The following ARL15 variants were observed in gnomAD, a reference collection of about 807,000 sequenced individuals.
ARL15 encodes ADP-ribosylation factor-like protein 15.
ARL15 carries 19 observed loss-of-function variants against 25.2 expected under a neutral mutation model. The observed-to-expected ratio is 0.75, with a 90% CI of 0.53 to 1.10. The LOEUF is 1.10. ARL15 is among the 50% of genes least tolerant of loss of function. ARL15 has a pLI of 0.00. For missense variants in ARL15, 220 were observed against 246.0 expected, an observed-to-expected ratio of 0.89 and a Z score of 0.71; for synonymous variants, 94 against 86.8, an observed-to-expected ratio of 1.08 and a Z score of -0.46.
intron 4 of ARL15, among the ~76,000 whole-genome samples, chr5:53,931,001 G>C (rs1431890376): frequency 2.0e-5 from 3 of 151,926 alleles, no homozygotes; most frequent in Non-Finnish European, 4.4e-5. Flanking sequence ...TTGAGTCAAG[G>C]GAAAGGTCAA....
intron 4 of ARL15, chr5:53,912,071 C>G (rs536700047): frequency 2.0e-5 from 3 of 151,846 alleles, no homozygotes. Flanking sequence ...ACAGGAGCCA[C>G]GCTAATCTCT....
intron 4 of ARL15, among the ~76,000 whole-genome samples, chr5:53,963,936 A>G (rs1561167999): frequency 6.6e-6 from 1 of 152,134 alleles, no homozygotes; most frequent in Non-Finnish European, 1.5e-5. Flanking sequence ...TCAGCAATAA[A>G]TTTGCCTTAT....
intron 4 of ARL15, among the ~76,000 whole-genome samples, chr5:54,084,978 A>T (rs1297527556): frequency 6.6e-6 from 1 of 152,182 alleles, no homozygotes. Context: ...GCTTTGGCTA[A>T]TGTCTGAGTA....
At chr5:53,913,590 A>G (rs1381934179) in intron 4 of ARL15, among the ~76,000 whole-genome samples, 1 of 152,166 alleles carries the variant, frequency 6.6e-6, no homozygotes, top group Admixed American at 6.5e-5. Flanking sequence ...ATAGTTTTCT[A>G]ATTTGGAAAA....
At chr5:54,123,905 G>A (rs917619674) in intron 3 of ARL15, among the ~76,000 whole-genome samples, 1 of 152,160 alleles carries the variant, frequency 6.6e-6, no homozygotes, top group Non-Finnish European at 1.5e-5. Flanking sequence ...AAAAGAGAGT[G>A]ACACAGCATT....
intron 4 of ARL15, among the ~76,000 whole-genome samples, chr5:54,012,696 G>A (rs1439973531): frequency 6.7e-6 from 1 of 148,278 alleles, no homozygotes; most frequent in African/African-American, 2.5e-5. Flanking sequence ...AGCTAATTTT[G>A]TATTTTTAGT....
chr5:54,269,083 G>C (rs915168535), intron 1 of ARL15, among the ~76,000 whole-genome samples: 4 of 151,922 alleles, frequency 2.6e-5, no homozygotes, highest in African/African-American at 7.3e-5. Flanking sequence ...GGGTAGGGGT[G>C]GGGGGTAGGG....
intron 4 of ARL15, among the ~76,000 whole-genome samples, chr5:53,905,809 GGTAA>G (rs982513975): frequency 6.6e-6 from 1 of 152,128 alleles, no homozygotes; most frequent in African/African-American, 2.4e-5. Context: ...TTAACTAGAA[GGTAA>G]GTGTTAATAA....
At chr5:54,021,755 CATA>C (rs1749610092) in intron 4 of ARL15, among the ~76,000 whole-genome samples, 1 of 152,042 alleles carries the variant, frequency 6.6e-6, no homozygotes, top group Admixed American at 6.6e-5. Context: ...GGCAAAAAGA[CATA>C]ATGATTGAAG....
chr5:54,196,592 T>C (rs1413386630), intron 1 of ARL15, among the ~76,000 whole-genome samples: 1 of 152,118 alleles, frequency 6.6e-6, no homozygotes, highest in Admixed American at 6.6e-5. Context: ...ATTTATGCCA[T>C]ACTAGTTCAA....
At chr5:54,206,628 GC>G in intron 1 of ARL15, among the ~76,000 whole-genome samples, 1 of 152,128 alleles carries the variant, frequency 6.6e-6, no homozygotes, top group Non-Finnish European at 1.5e-5. Context: ...TTAGGAGTTA[GC>G]CAGACAAAAA....
intron 1 of ARL15, among the ~76,000 whole-genome samples, chr5:54,199,239 A>G (rs1187441722): frequency 1.3e-5 from 2 of 152,198 alleles, no homozygotes; most frequent in Admixed American, 6.5e-5. Context: ...AGGCATGGGC[A>G]AGGACTTCAT....
Position 54,134,568 on chromosome 5 carries a change from C to CTTTTTT in ARL15, c.253+20006_253+20011dup, listed in dbSNP as rs5867914. 6.0e-4 allele frequency among the ~76,000 whole-genome samples: 31 copies of CTTTTTT among 51,796 alleles called. 2 individuals carry two copies. The highest frequency in any genetic ancestry group is 9.5e-4 in the Non-Finnish European group (28 of 29,544). 34.0% of individuals were successfully genotyped at this position (51,796 alleles called of 152,430 possible). A position where few individuals can be genotyped will look rare whatever the true frequency, so the allele number is the denominator to read the frequency against. ...GTGAGCTCCCTGAAGGAATGATTAG[C>CTTTTTT]TTTTTTTTTTTTTTTTTTTTTTTTT... On this transcript the variant is annotated intron_variant, in intron 3 of 4. Coordinates refer to ENST00000504924, the MANE Select transcript of ARL15 (RefSeq NM_019087.3).
chr5:54,265,094 T>A (rs1444400591), intron 1 of ARL15, among the ~76,000 whole-genome samples: 1 of 152,148 alleles, frequency 6.6e-6, no homozygotes, highest in Non-Finnish European at 1.5e-5. Flanking sequence ...GTCATCTTTT[T>A]CAAGCACAGC....
intron 3 of ARL15, among the ~76,000 whole-genome samples, chr5:54,147,962 A>T (rs1054753501): frequency 1.3e-5 from 2 of 152,216 alleles, no homozygotes; most frequent in Non-Finnish European, 2.9e-5. Flanking sequence ...AGTTTTAAAA[A>T]ATGAGAGATG....
intron 4 of ARL15, among the ~76,000 whole-genome samples, chr5:53,905,183 T>C (rs1020538614): frequency 6.6e-6 from 1 of 152,196 alleles, no homozygotes; most frequent in Non-Finnish European, 1.5e-5. Context: ...TAACACCCAC[T>C]TCAGTCTGAA....
chr5:54,055,650 T>A (rs1226182875), intron 4 of ARL15, among the ~76,000 whole-genome samples: 1 of 152,074 alleles, frequency 6.6e-6, no homozygotes, highest in African/African-American at 2.4e-5. Flanking sequence ...CGTGAGCCAC[T>A]GCACCTGGCC....
At chr5:53,907,582 C>G (rs563485242) in intron 4 of ARL15, among the ~76,000 whole-genome samples, 1 of 141,682 alleles carries the variant, frequency 7.1e-6, no homozygotes, top group African/African-American at 2.6e-5. Flanking sequence ...ACTGCAAGCT[C>G]CGCCTCCTGG....
chr5:54,222,939 C>T (rs1176472501), intron 1 of ARL15, among the ~76,000 whole-genome samples: 1 of 151,792 alleles, frequency 6.6e-6, no homozygotes, highest in Non-Finnish European at 1.5e-5. Context: ...TCTGCCTCAG[C>T]CTCCCGAGCA....
Sources: gnomAD v4.1 joint callset for allele counts (sites outside exome capture counted in the v4.1 genomes callset) on GRCh38, gnomAD v4.1.1 for gene constraint, MANE v1.5 for transcripts, NCBI Gene and HGNC (gene_info 2026-07-23, HGNC 2026-07-21) for gene names.